DLEU7: variants seen among roughly 807,000 people sequenced by gnomAD.
DLEU7 encodes the protein leukemia-associated protein 7.
In DLEU7, 17 loss-of-function variants were observed where a neutral mutation model predicts 16.0. The observed-to-expected ratio is 1.06, with a 90% CI of 0.73 to 1.59. The LOEUF is 1.59. Among genes scored for constraint, DLEU7 ranks in the 40% most tolerant of loss-of-function variants. DLEU7 has a pLI of 0.00. For missense variants in DLEU7, 308 were observed against 314.9 expected (o/e 0.98, Z 0.17); for synonymous variants, 113 against 139.8 (o/e 0.81, Z 1.35).
intron 1 of DLEU7, among the ~76,000 whole-genome samples, chr13:50,722,908 A>G (rs1185620023): frequency 2.6e-5 from 4 of 152,210 alleles, no homozygotes; most frequent in Admixed American, 6.5e-5. Flanking sequence ...GGCAACCAGG[A>G]TATTGACATC....
At chr13:50,829,078 T>G (rs1877180603) in intron 1 of DLEU7, among the ~76,000 whole-genome samples, 1 of 152,170 alleles carries the variant, frequency 6.6e-6, no homozygotes, top group African/African-American at 2.4e-5. Flanking sequence ...TTTTTGTGAT[T>G]TTTAAAAAAA....
In DLEU7 at chr13:50,843,675, G is replaced by A. The variant is rs1343369510; in HGVS notation, c.-29C>T. 3.3e-6 allele frequency: 5 copies of A among 1,498,352 alleles called. No homozygotes were observed. Among genetic ancestry groups the A allele is most frequent in the Non-Finnish European group, 4.4e-6 (5 of 1,131,634 alleles). 92.8% of individuals were successfully genotyped at this position (1,498,352 alleles called of 1,614,324 possible). ...CTCCGCTGGCGGCCCGGCGCGCTCCGCGTGCAGGTGGAGCAGCAGCGAGGG... is the reference window on the plus strand; with the variant it reads ...CTCCGCTGGCGGCCCGGCGCGCTCCACGTGCAGGTGGAGCAGCAGCGAGGG... On this transcript the variant is annotated 5_prime_UTR_variant, in exon 1 of 2. Coordinates refer to ENST00000504404, the MANE Select transcript of DLEU7 (RefSeq NM_001306135.2). The surrounding 1 kb of genome is among the most constrained non-coding windows in gnomAD (Gnocchi z 5.7).
chr13:50,752,179 G>A (rs1874589115), intron 1 of DLEU7, among the ~76,000 whole-genome samples: 2 of 151,378 alleles, frequency 1.3e-5, no homozygotes, highest in Non-Finnish European at 2.9e-5. Context: ...AGCCTCCCTA[G>A]TAGCTGGGAC....
At chr13:50,785,249 A>G (rs1434237023) in intron 1 of DLEU7, among the ~76,000 whole-genome samples, 1 of 152,224 alleles carries the variant, frequency 6.6e-6, no homozygotes, top group East Asian at 1.9e-4. Flanking sequence ...GGAATCAGGA[A>G]TGAGGCCAGG....
chr13:50,750,869 G>T (rs187564926), intron 1 of DLEU7, among the ~76,000 whole-genome samples: 1 of 152,216 alleles, frequency 6.6e-6, no homozygotes, highest in South Asian at 2.1e-4. Context: ...GTAAACAATC[G>T]TATCATCAGC....
At chr13:50,796,688 A>C (rs1397011628) in intron 1 of DLEU7, among the ~76,000 whole-genome samples, 2 of 152,122 alleles carry the variant, frequency 1.3e-5, no homozygotes, top group African/African-American at 4.8e-5. Flanking sequence ...GGCCAATGGA[A>C]TGTGAAAGGA....
downstream of DLEU7, chr13:50,711,222 A>G (rs2137696955): frequency 1.3e-5 from 2 of 152,338 alleles, no homozygotes; most frequent in Middle Eastern, 6.8e-3. Context: ...TTAAGCAAAA[A>G]CAATTTGGCC....
chr13:50,764,539 G>A (rs768966269), intron 1 of DLEU7, among the ~76,000 whole-genome samples: 96 of 152,314 alleles, frequency 6.3e-4, no homozygotes, highest in African/African-American at 1.4e-3. Context: ...AATTAAATAA[G>A]TTCAGAGGCT....
At chr13:50,818,593 G>T (rs140181573), downstream of DLEU7, 1 of 152,162 alleles carries the variant, frequency 6.6e-6, no homozygotes, top group South Asian at 2.1e-4. Context: ...GGAAAAACAG[G>T]TATGTTCATT....
intron 1 of DLEU7, among the ~76,000 whole-genome samples, chr13:50,794,845 C>T (rs111287705): frequency 0.013 from 2,005 of 151,986 alleles, 46 homozygotes; most frequent in African/African-American, 0.046. Context: ...ATTAAAGGTC[C>T]ACATCTGGAA....
chr13:50,733,871 C>T (rs565621517), intron 1 of DLEU7, among the ~76,000 whole-genome samples: 34 of 152,222 alleles, frequency 2.2e-4, no homozygotes, highest in Admixed American at 1.9e-3. Flanking sequence ...CACTAAAGGC[C>T]GTAGAGAAAA....
chr13:50,810,485 A>C (rs545280205), intron 1 of DLEU7, among the ~76,000 whole-genome samples: 1 of 152,294 alleles, frequency 6.6e-6, no homozygotes, highest in East Asian at 1.9e-4. Context: ...AAAGGCAAGA[A>C]AAGCAAGGAT....
intron 1 of DLEU7, among the ~76,000 whole-genome samples, chr13:50,824,521 A>G (rs1877019718): frequency 6.6e-6 from 1 of 152,144 alleles, no homozygotes; most frequent in Non-Finnish European, 1.5e-5. Flanking sequence ...GAAGCCAAAA[A>G]TTTTTTAAAG....
At chr13:50,814,580 A>G (rs993073351) in intron 1 of DLEU7, among the ~76,000 whole-genome samples, 1 of 151,612 alleles carries the variant, frequency 6.6e-6, no homozygotes, top group Non-Finnish European at 1.5e-5. Flanking sequence ...AAAAGAACAT[A>G]AAGAACCCAA....
intron 1 of DLEU7, among the ~76,000 whole-genome samples, chr13:50,791,261 G>A (rs1593397139): frequency 6.6e-6 from 1 of 152,232 alleles, no homozygotes; most frequent in Admixed American, 6.5e-5. Context: ...AGGCAGGGTT[G>A]TACACATGCA....
At chr13:50,813,356 C>T (rs1205294757) in intron 1 of DLEU7, among the ~76,000 whole-genome samples, 1 of 152,040 alleles carries the variant, frequency 6.6e-6, no homozygotes, top group African/African-American at 2.4e-5. Context: ...CTTTAAACAT[C>T]GAAGTGATAA....
At chr13:50,798,957 C>A (rs116253070) in intron 1 of DLEU7, among the ~76,000 whole-genome samples, 8 of 152,340 alleles carry the variant, frequency 5.3e-5, no homozygotes, top group African/African-American at 1.4e-4. Context: ...TCCAACTCTC[C>A]TCTTTCACCC....
intron 1 of DLEU7, among the ~76,000 whole-genome samples, chr13:50,736,111 C>A (rs1874063399): frequency 6.6e-6 from 1 of 152,072 alleles, no homozygotes; most frequent in African/African-American, 2.4e-5. Flanking sequence ...AATCTAAATA[C>A]CCATCCATGG....
intron 1 of DLEU7, among the ~76,000 whole-genome samples, chr13:50,779,130 G>C (rs1405095666): frequency 1.3e-5 from 2 of 152,168 alleles, no homozygotes; most frequent in East Asian, 3.8e-4. Flanking sequence ...AAAAAACACA[G>C]CACGTTGTAC....
Sources: allele counts gnomAD v4.1 joint callset (sites outside exome capture counted in the v4.1 genomes callset), GRCh38; gene constraint gnomAD v4.1.1; non-coding constraint Gnocchi (gnomAD v3.1); transcripts MANE v1.5; gene names NCBI Gene and HGNC (gene_info 2026-07-23, HGNC 2026-07-21).